MAGI2: variants seen among roughly 807,000 people sequenced by gnomAD.
The protein encoded by MAGI2 is membrane associated guanylate kinase, WW and PDZ domain containing 2, also known as membrane-associated guanylate kinase, WW and PDZ domain-containing protein 2.
In MAGI2, 35 loss-of-function variants were observed where a neutral mutation model predicts 133.3. The ratio of observed to expected loss-of-function variants is 0.26; its 90% CI spans 0.20 to 0.35. The LOEUF is 0.35. Among genes scored for constraint, MAGI2 ranks in the 10% least tolerant of loss-of-function variants. The probability of loss-of-function intolerance (pLI) is 1.00; values close to 1 mark genes in which losing one functional copy is unlikely to be tolerated. For synonymous variants in MAGI2, 729 were observed against 710.6 expected, an observed-to-expected ratio of 1.03 and a Z score of -0.41; for missense variants, 1,636 against 1,863.4, an observed-to-expected ratio of 0.88 and a Z score of 2.25.
intron 5 of MAGI2, among the ~76,000 whole-genome samples, chr7:78,500,215 G>A (rs1169553190): frequency 6.6e-6 from 1 of 152,046 alleles, no homozygotes; most frequent in Non-Finnish European, 1.5e-5. Context: ...ATTGGTATGT[G>A]GTAACATTTC....
At position 78,626,565 on chromosome 7, in the gene MAGI2, A is replaced by G. The variant is rs144803542; in HGVS notation, c.538+555T>C. ...GGTTTTGGTTTCATTTGCTGTTCAC[A>G]TTTGATTTGGGTACACAAGGAGATT... is the stretch of plus-strand genomic sequence containing the variant. On this transcript the variant is annotated intron_variant, in intron 3 of 21. Coordinates refer to ENST00000354212, the MANE Select transcript of MAGI2 (RefSeq NM_012301.4). Among the ~76,000 whole-genome samples, 1,041 of 152,164 alleles carry G rather than the reference A, an allele frequency of 6.8e-3. 13 individuals are homozygous for G. The highest frequency in any genetic ancestry group is 0.019 in the African/African-American group (770 of 41,492).
intron 6 of MAGI2, among the ~76,000 whole-genome samples, chr7:78,479,582 C>T (rs1426953635): frequency 2.6e-5 from 4 of 151,904 alleles, no homozygotes; most frequent in Non-Finnish European, 5.9e-5. Context: ...AAGCTAAATG[C>T]ATCTGAAACC....
intron 2 of MAGI2, chr7:78,901,279 T>A (rs1276773721): frequency 6.6e-6 from 1 of 152,208 alleles, no homozygotes; most frequent in South Asian, 2.1e-4. Context: ...ACACAGTTAT[T>A]TAACAATTTT....
At chr7:78,061,412 AC>A (rs1323259464) in intron 21 of MAGI2, among the ~76,000 whole-genome samples, 8 of 5,612 alleles carry the variant, frequency 1.4e-3, no homozygotes, top group African/African-American at 4.4e-3. Context: ...CTGGTTGTAC[AC>A]ACACACACAC....
intron 1 of MAGI2, among the ~76,000 whole-genome samples, chr7:79,357,950 A>G (rs1424032904): frequency 6.6e-6 from 1 of 152,186 alleles, no homozygotes; most frequent in Non-Finnish European, 1.5e-5. Context: ...TTATTTAATT[A>G]CTTATTTATC....
chr7:79,067,959 T>C (rs1814537103), intron 1 of MAGI2, among the ~76,000 whole-genome samples: 1 of 152,208 alleles, frequency 6.6e-6, no homozygotes. Flanking sequence ...TGAAGCCAAC[T>C]TGATCTTGGT....
intron 2 of MAGI2, among the ~76,000 whole-genome samples, chr7:78,739,901 G>A (rs1488551414): frequency 6.6e-6 from 1 of 152,150 alleles, no homozygotes; most frequent in African/African-American, 2.4e-5. Context: ...GCTCACGCCT[G>A]TAATCCCAGC....
intron 1 of MAGI2, among the ~76,000 whole-genome samples, chr7:79,071,386 C>T (rs989104026): frequency 1.3e-5 from 2 of 151,988 alleles, no homozygotes; most frequent in African/African-American, 4.8e-5. Context: ...TGTCTGTTGG[C>T]CCCTGCTGGG....
chr7:78,761,751 C>T (rs139927994), intron 2 of MAGI2, among the ~76,000 whole-genome samples: 1 of 152,108 alleles, frequency 6.6e-6, no homozygotes, highest in Non-Finnish European at 1.5e-5. Context: ...AGCCATCATG[C>T]CTCACCTAGA....
At chr7:78,747,966 C>G (rs2151271600) in intron 2 of MAGI2, among the ~76,000 whole-genome samples, 1 of 152,240 alleles carries the variant, frequency 6.6e-6, no homozygotes, top group East Asian at 1.9e-4. Context: ...TTCTGTGGTA[C>G]TATATGCACT....
At chr7:79,154,339 A>T (rs1422913271) in intron 1 of MAGI2, among the ~76,000 whole-genome samples, 1 of 152,218 alleles carries the variant, frequency 6.6e-6, no homozygotes, top group Non-Finnish European at 1.5e-5. Flanking sequence ...GATGACATTT[A>T]CATGTCAAGC....
intron 7 of MAGI2, chr7:78,358,334 G>C (rs901100371): frequency 2.6e-5 from 4 of 151,560 alleles, no homozygotes; most frequent in African/African-American, 9.7e-5. Context: ...AGGCCATCTT[G>C]TGGGCCACCC....
intron 4 of MAGI2, among the ~76,000 whole-genome samples, chr7:78,519,450 T>C (rs1197856092): frequency 6.6e-6 from 1 of 152,164 alleles, no homozygotes; most frequent in African/African-American, 2.4e-5. Context: ...AGAGCCACTG[T>C]TGGCAGTATC....
intron 6 of MAGI2, among the ~76,000 whole-genome samples, chr7:78,450,137 C>T (rs1281715567): frequency 2.6e-5 from 4 of 151,774 alleles, no homozygotes; most frequent in African/African-American, 9.7e-5. Context: ...TCCTAGTTAT[C>T]TTTACAATAT....
chr7:78,100,811 A>T (rs1296084826), intron 20 of MAGI2, among the ~76,000 whole-genome samples: 1 of 152,194 alleles, frequency 6.6e-6, no homozygotes, highest in African/African-American at 2.4e-5. Context: ...ATACTAGAGA[A>T]TTTACCAGAA....
intron 2 of MAGI2, among the ~76,000 whole-genome samples, chr7:78,697,170 GT>G (rs763242779): frequency 6.6e-6 from 1 of 151,926 alleles, no homozygotes; most frequent in African/African-American, 2.4e-5. Context: ...CTTTTCACAT[GT>G]TTTTTCTTTT....
intron 1 of MAGI2, among the ~76,000 whole-genome samples, chr7:79,305,366 A>G (rs950465): frequency 6.6e-6 from 1 of 152,192 alleles, no homozygotes; most frequent in Non-Finnish European, 1.5e-5. Flanking sequence ...TCTGTTGAGT[A>G]TCTAACCACA....
chr7:79,016,185 T>C (rs1808709829), intron 1 of MAGI2, among the ~76,000 whole-genome samples: 1 of 151,972 alleles, frequency 6.6e-6, no homozygotes, highest in Admixed American at 6.5e-5. Context: ...TGTGGGAGCA[T>C]CTGGAGTGGA....
chr7:79,311,454 C>G (rs1838285246), intron 1 of MAGI2, among the ~76,000 whole-genome samples: 1 of 152,096 alleles, frequency 6.6e-6, no homozygotes, highest in South Asian at 2.1e-4. Flanking sequence ...ATGGGTTGAA[C>G]AAGCCTGCTC....
Sources: allele counts gnomAD v4.1 joint callset (sites outside exome capture counted in the v4.1 genomes callset), GRCh38; gene constraint gnomAD v4.1.1; transcripts MANE v1.5; gene names NCBI Gene and HGNC (gene_info 2026-07-23, HGNC 2026-07-21).